Variants in JAK1 observed in about 807,000 individuals in gnomAD.
JAK1 encodes the protein tyrosine-protein kinase JAK1.
Under a neutral mutation model 136.6 loss-of-function variants are expected in JAK1, and 16 were observed. The observed-to-expected ratio is 0.12, with a 90% CI of 0.08 to 0.18. The LOEUF is 0.18. Among genes scored for constraint, JAK1 ranks in the 10% least tolerant of loss-of-function variants. JAK1 has a pLI of 1.00. For synonymous variants in JAK1, 492 were observed against 519.5 expected (o/e 0.95, Z 0.72); for missense variants, 859 against 1,450.1 (o/e 0.59, Z 6.62).
rs764721322 is a variant in JAK1 at position 64,860,265 on chromosome 1, G to A, written c.1177-3C>T. 3.8e-6 allele frequency: 6 copies of A among 1,599,782 alleles called. No individual in the cohort carries two copies. Among genetic ancestry groups the A allele is most frequent in the Middle Eastern group, 1.7e-4 (1 of 5,974 alleles). The stretch of plus-strand genomic sequence containing the variant: ...TCGTGGGAAGAGAGCTTCAGTTCCT[G>A]TTGAGAGAGAAGAAATTCCCACGGT... On this transcript the variant is annotated splice_region_variant and splice_polypyrimidine_tract_variant and intron_variant, in intron 8 of 24. Coordinates refer to ENST00000342505, the MANE Select transcript of JAK1 (RefSeq NM_002227.4).
At chr1:64,890,284 T>C (rs1644915696) in intron 1 of JAK1, among the ~76,000 whole-genome samples, 1 of 151,804 alleles carries the variant, frequency 6.6e-6, no homozygotes, top group Non-Finnish European at 1.5e-5. Context: ...TGCTTTATCC[T>C]CAGCACAAAT....
upstream of JAK1, among the ~76,000 whole-genome samples, chr1:64,969,101 C>A (rs1332645696): frequency 1.3e-5 from 2 of 151,238 alleles, 1 homozygote; most frequent in East Asian, 3.9e-4. Flanking sequence ...CAGAGTGAGA[C>A]CCCTTCTCTT....
intron 5 of JAK1, among the ~76,000 whole-genome samples, chr1:64,870,796 T>C (rs976747090): frequency 4.6e-5 from 7 of 152,168 alleles, no homozygotes; most frequent in African/African-American, 1.4e-4. Context: ...CACCATGGGA[T>C]ATCTTGTTTC....
intron 12 of JAK1, among the ~76,000 whole-genome samples, chr1:64,849,969 G>A (rs774407064): frequency 1.7e-4 from 26 of 152,188 alleles, no homozygotes; most frequent in Non-Finnish European, 2.6e-4. Flanking sequence ...CAACAATCTC[G>A]GGGACTCACT....
intron 19 of JAK1, among the ~76,000 whole-genome samples, chr1:64,840,425 C>T (rs925201677): frequency 1.1e-4 from 17 of 152,212 alleles, no homozygotes; most frequent in Non-Finnish European, 2.4e-4. Flanking sequence ...TGTATAAAGA[C>T]ACAAATCTCA....
chr1:64,870,424 A>T (rs1480198691), intron 5 of JAK1, among the ~76,000 whole-genome samples: 1 of 152,180 alleles, frequency 6.6e-6, no homozygotes, highest in Admixed American at 6.5e-5. Flanking sequence ...CTAAGGAGAA[A>T]GAAAAGAATA....
intron 1 of JAK1, among the ~76,000 whole-genome samples, chr1:64,900,127 GA>G (rs1645082176): frequency 6.6e-6 from 1 of 152,164 alleles, no homozygotes; most frequent in Non-Finnish European, 1.5e-5. Context: ...CTGGGAGTAG[GA>G]ATTCAGGAGA....
chr1:64,879,767 C>G lies in JAK1; in HGVS notation c.206-619G>C, dbSNP rs529458976. Among the ~76,000 whole-genome samples, 9 of 152,168 alleles carry G rather than the reference C, an allele frequency of 5.9e-5. No individual in the cohort carries two copies. The South Asian group carries it at 1.7e-3, about 28-fold the overall frequency. ...ATCACAAATATTTTTTATTTAGTAACCAACTAGCAAGAAGATATATGGCTT... is the reference window on the plus strand; with the variant it reads ...ATCACAAATATTTTTTATTTAGTAAGCAACTAGCAAGAAGATATATGGCTT... On this transcript the variant is annotated intron_variant, in intron 3 of 24. Coordinates refer to ENST00000342505, the MANE Select transcript of JAK1 (RefSeq NM_002227.4).
At chr1:64,836,278 G>T in intron 22 of JAK1, 63 bp from the exon 23 acceptor site, 1 of 911,058 alleles carries the variant, frequency 1.1e-6, no homozygotes, top group Non-Finnish European at 1.8e-6. Flanking sequence ...CGACATTACA[G>T]GATAACTGAA....
chr1:64,906,248 T>G (rs1314118347), intron 1 of JAK1, among the ~76,000 whole-genome samples: 1 of 148,550 alleles, frequency 6.7e-6, no homozygotes, highest in African/African-American at 2.5e-5. Context: ...AAGCCAAGAC[T>G]ACACCATTGC....
At chr1:65,029,061 G>A (rs1050647798) in intron 2 of JAK1, among the ~76,000 whole-genome samples, 1 of 152,016 alleles carries the variant, frequency 6.6e-6, no homozygotes, top group African/African-American at 2.4e-5. Context: ...AATCCAATGA[G>A]GATACCATCT....
At chr1:64,967,549 A>C (rs956239771), upstream of JAK1, among the ~76,000 whole-genome samples, 1 of 152,220 alleles carries the variant, frequency 6.6e-6, no homozygotes, top group Admixed American at 6.5e-5. Context: ...CTGCAGCTTC[A>C]GGGCTGTGGA....
chr1:64,849,616 G>C (rs1249452704), intron 12 of JAK1, among the ~76,000 whole-genome samples: 1 of 152,240 alleles, frequency 6.6e-6, no homozygotes, highest in Non-Finnish European at 1.5e-5. Flanking sequence ...TCTTGCTAAC[G>C]TGATTACCCC....
At chr1:64,880,067 T>C (rs1218725194) in intron 3 of JAK1, among the ~76,000 whole-genome samples, 2 of 152,196 alleles carry the variant, frequency 1.3e-5, no homozygotes, top group African/African-American at 4.8e-5. Flanking sequence ...TAATAGGCAC[T>C]TGTTTCCCAA....
intron 2 of JAK1, among the ~76,000 whole-genome samples, chr1:65,019,964 G>A (rs575127): frequency 0.21 from 32,107 of 150,426 alleles, 4,534 homozygotes; most frequent in African/African-American, 0.38. Context: ...GGTGGCTCAC[G>A]CCTGTAATCA....
intron 1 of JAK1, among the ~76,000 whole-genome samples, chr1:64,907,005 A>AC (rs1491456177): frequency 1.1e-3 from 4 of 3,668 alleles, no homozygotes; most frequent in East Asian, 0.5. Context: ...GGAGAAGCAC[A>AC]AAAAAAAAAA....
intron 2 of JAK1, among the ~76,000 whole-genome samples, chr1:64,988,948 GTA>G (rs1483068078): frequency 8.0e-6 from 1 of 125,086 alleles, no homozygotes; most frequent in East Asian, 2.0e-4. Flanking sequence ...ATATGTATGT[GTA>G]TATATATGTA....
At chr1:64,875,329 A>C (rs1461206143) in intron 4 of JAK1, among the ~76,000 whole-genome samples, 1 of 152,204 alleles carries the variant, frequency 6.6e-6, no homozygotes, top group African/African-American at 2.4e-5. Context: ...GGCACATATG[A>C]GGCACGCTCT....
intron 1 of JAK1, chr1:65,058,559 A>C: frequency 1.9e-6 from 1 of 525,692 alleles, no homozygotes; most frequent in East Asian, 5.6e-5. Flanking sequence ...TGGCTGCATT[A>C]CTCTCTCTGA....
Sources: allele counts gnomAD v4.1 joint callset (sites outside exome capture counted in the v4.1 genomes callset), GRCh38; gene constraint gnomAD v4.1.1; transcripts MANE v1.5; gene names NCBI Gene and HGNC (gene_info 2026-07-23, HGNC 2026-07-21).